SEC24C: variants seen among roughly 807,000 people sequenced by gnomAD.
The protein encoded by SEC24C is SEC24 homolog C, COPII component, also known as protein transport protein Sec24C.
In SEC24C, 22 loss-of-function variants were observed where a neutral mutation model predicts 117.0. The observed-to-expected ratio is 0.19, with a 90% confidence interval of 0.13 to 0.27. The LOEUF is 0.27. Ranked by LOEUF, SEC24C falls within the 10% of genes least tolerant of loss-of-function variation. SEC24C has a pLI of 1.00. For missense variants in SEC24C, 1,155 were observed against 1,375.1 expected (o/e 0.84, Z 2.53); for synonymous variants, 506 against 529.4 (o/e 0.96, Z 0.61).
intron 2 of SEC24C, among the ~76,000 whole-genome samples, chr10:73,750,812 A>G (rs1285584310): frequency 6.6e-6 from 1 of 152,224 alleles, no homozygotes; most frequent in Non-Finnish European, 1.5e-5. Context: ...AATATCAGGC[A>G]GTCTTGGATT....
At chr10:73,757,017 TCTC>T (rs2082719869) in intron 3 of SEC24C, among the ~76,000 whole-genome samples, 1 of 144,086 alleles carries the variant, frequency 6.9e-6, no homozygotes, top group African/African-American at 2.6e-5. Context: ...TTCAAGTGAA[TCTC>T]CTGTCTGAAC....
In SEC24C at chr10:73,753,524, G is replaced by A. The variant is rs182559851; in HGVS notation, c.308+2281G>A. On this transcript the variant is annotated intron_variant, in intron 3 of 22. Transcript: ENST00000345254. The stretch of plus-strand genomic sequence containing the variant: ...AATCTCTACAAAAAATAAAATGTTA[G>A]CTGGGCATGGTGGCAAGCTTGTTGT... Among the ~76,000 whole-genome samples, 800 of 152,272 alleles carry A rather than the reference G, an allele frequency of 5.3e-3. 3 individuals are homozygous for A. The highest frequency in any genetic ancestry group is 8.6e-3 in the Non-Finnish European group (584 of 68,024).
Position 73,760,776 on chromosome 10 carries a change from C to T in SEC24C, c.914C>T (p.Thr305Ile). Residue 305 changes from threonine to isoleucine, a missense_variant, in exon 6 of 23, where the codon ACC becomes ATC. Around this residue, in one of 2 missense-constraint regions of SEC24C, gnomAD observed 396 missense variants for 382.8 expected, o/e 1.03. Transcript: ENST00000345254. ...GGAGGCCCCTACCCAGCAGCACCCA[C>T]CTTTGGCAGTCAGCCTGGGCCTCCT... ...NYGGPYPAAP[T>I]FGSQPGPPQP... is the part of the protein sequence containing the mutation. 6.2e-7 allele frequency: 1 copy of T among 1,614,082 alleles called. No homozygotes were observed. Among genetic ancestry groups the T allele is most frequent in the Non-Finnish European group, 8.5e-7 (1 of 1,179,942 alleles).
At chr10:73,753,876 T>C (rs578227194) in intron 3 of SEC24C, among the ~76,000 whole-genome samples, 10 of 152,322 alleles carry the variant, frequency 6.6e-5, no homozygotes, top group African/African-American at 2.4e-4. Context: ...CTTGTCCAAC[T>C]TGTGGCCCAC....
At chr10:73,745,843 C>G (rs2082540629) in intron 1 of SEC24C, among the ~76,000 whole-genome samples, 1 of 151,974 alleles carries the variant, frequency 6.6e-6, no homozygotes, top group Non-Finnish European at 1.5e-5. Flanking sequence ...AGCCACTGTG[C>G]CTGGCCAACT....
At chr10:73,746,177 A>C (rs1043807540) in intron 1 of SEC24C, among the ~76,000 whole-genome samples, 1 of 129,870 alleles carries the variant, frequency 7.7e-6, no homozygotes, top group Admixed American at 7.7e-5. Context: ...AAAAAAAAAA[A>C]AAAAACCTTC....
rs1446669081 is a variant in SEC24C at position 73,765,561 on chromosome 10, G to A, written c.1338G>A (p.Gln446=). The A allele has an allele frequency of 1.1e-5, 17 of 1,613,868 alleles. No homozygotes were observed. Among genetic ancestry groups the A allele is most frequent in the African/African-American group, 1.3e-5 (1 of 74,938 alleles). The change falls in exon 9 of 23, where the codon CAG becomes CAA. Residue 446 remains glutamine, a synonymous_variant. Coordinates refer to ENST00000345254, the MANE Select transcript of SEC24C (RefSeq NM_198597.3). The stretch of plus-strand genomic sequence containing the variant: ...TCATTGAAGGAGGGAGGCGTTTCCA[G>A]TGCTGTTTTTGCAGCTGTATCAATG... ...MQFIEGGRRF[Q]CCFCSCINDV... is the part of the protein sequence containing the mutation.
chr10:73,745,939 ATCACGAGG>A (rs2082541960), intron 1 of SEC24C, among the ~76,000 whole-genome samples: 1 of 151,718 alleles, frequency 6.6e-6, no homozygotes, highest in Admixed American at 6.6e-5. Flanking sequence ...AGGTGGGTGG[ATCACGAGG>A]TCAGGAGATC....
chr10:73,753,039 C>T (rs7076525), intron 3 of SEC24C, among the ~76,000 whole-genome samples: 68,318 of 151,832 alleles, frequency 0.45, 17,325 homozygotes, highest in Middle Eastern at 0.63. Flanking sequence ...CTGACTCTTA[C>T]AGTAATTACT....
At chr10:73,757,477 C>T (rs2082727262) in intron 3 of SEC24C, among the ~76,000 whole-genome samples, 1 of 149,640 alleles carries the variant, frequency 6.7e-6, no homozygotes, top group South Asian at 2.1e-4. Flanking sequence ...CTTCGCTGCA[C>T]TGTGGCCTGG....
At position 73,746,822 on chromosome 10, in the gene SEC24C, A is replaced by C; in HGVS notation, c.-11A>C. 6.3e-7 allele frequency: 1 copy of C among 1,596,490 alleles called. No individual in the cohort carries two copies. The highest frequency in any genetic ancestry group is 8.6e-7 in the Non-Finnish European group (1 of 1,169,190). ...TCTCACAGGTGAGATCAAATTGGGA[A>C]TGCTTTCATAATGAACGTCAACCAG... On this transcript the variant is annotated 5_prime_UTR_variant, in exon 2 of 23. The change abolishes an upstream ATG in the 5' untranslated region. Transcript: ENST00000345254.
Position 73,766,536 on chromosome 10 carries a change from C to T in SEC24C, c.1794C>T (p.Ile598=), listed in dbSNP as rs1423588128. 5 of 1,606,340 alleles carry T rather than the reference C, an allele frequency of 3.1e-6. No homozygotes were observed. The highest frequency in any genetic ancestry group is 2.2e-5 in the East Asian group (1 of 44,868). The change falls in exon 12 of 23, where the codon ATC becomes ATT. Residue 598 remains isoleucine (I), a synonymous_variant. Coordinates refer to ENST00000345254, the MANE Select transcript of SEC24C (RefSeq NM_198597.3). ...ACGTCAATGAGTCTCGGGCAGTTAT[C>T]ACCAGGTAAGAGCCAGATTGTGGAG... The part of the protein sequence containing the change: ...LVNVNESRAV[I]TSLLDQIPEM...
At chr10:73,747,487 G>A in intron 2 of SEC24C, among the ~76,000 whole-genome samples, 1 of 151,766 alleles carries the variant, frequency 6.6e-6, no homozygotes, top group Middle Eastern at 3.2e-3. Flanking sequence ...GAGTAGCTAG[G>A]ATTACAGGCA....
At chr10:73,757,920 CAAAAAAAAAA>C (rs61625607) in intron 3 of SEC24C, among the ~76,000 whole-genome samples, 25 of 38,894 alleles carry the variant, frequency 6.4e-4, no homozygotes, top group African/African-American at 2.9e-3. Flanking sequence ...GACCCTGTCT[CAAAAAAAAAA>C]AAAAAAAAAA....
intron 8 of SEC24C, among the ~76,000 whole-genome samples, chr10:73,764,670 T>G (rs2082853521): frequency 1.3e-5 from 2 of 152,220 alleles, no homozygotes; most frequent in South Asian, 4.1e-4. Context: ...CCCAGGTTAG[T>G]GCTGTTAGAA....
Position 73,760,857 on chromosome 10 carries a change from G to C in SEC24C, c.987+8G>C. ...GATGCCATCCCAAGCCCTGTAAGTA[G>C]AAACTTTCATGGTCCTGAGGAAGGG... On this transcript the variant is annotated splice_region_variant and intron_variant, in intron 6 of 22. Coordinates refer to ENST00000345254, the MANE Select transcript of SEC24C (RefSeq NM_198597.3). 6.2e-7 allele frequency: 1 copy of C among 1,604,698 alleles called. No homozygotes were observed. Among genetic ancestry groups the C allele is most frequent in the Non-Finnish European group, 8.5e-7 (1 of 1,176,374 alleles).
At chr10:73,751,270 G>T in intron 3 of SEC24C, 27 bp downstream of exon 3, 1 of 1,601,450 alleles carries the variant, frequency 6.2e-7, no homozygotes. Flanking sequence ...TCTAAAATTG[G>T]TCTGATGAGG....
At position 73,771,140 on chromosome 10, in the gene SEC24C, G is replaced by T. The variant is rs199634228; in HGVS notation, c.*45G>T. 1,661 of 1,597,544 alleles carry T rather than the reference G, an allele frequency of 1.0e-3. 3 individuals are homozygous for T. Among genetic ancestry groups the T allele is most frequent in the Non-Finnish European group, 1.4e-3 (1,615 of 1,172,198 alleles). Reference sequence around the variant, plus strand: ...TAGGGCCCAGGCTAGCTTCCAGAAAGCACCCCAGGATGTCAGAGAAATTGG... The same window carrying T: ...TAGGGCCCAGGCTAGCTTCCAGAAATCACCCCAGGATGTCAGAGAAATTGG... On this transcript the variant is annotated 3_prime_UTR_variant, in exon 23 of 23. Transcript: ENST00000345254.
Position 73,770,762 on chromosome 10 carries a change from T to C in SEC24C, c.3108T>C (p.Ile1036=). ...TGTCCAAGAAGGTTCGAGGCCTCAT[T>C]GATAGCTTACGGGCACAGAGATCCC... ...NPLSKKVRGL[I]DSLRAQRSRY... Residue 1036 remains isoleucine (I), a synonymous_variant, in exon 22 of 23, where the codon ATT becomes ATC. Transcript: ENST00000345254. 1 of 1,614,118 alleles carries C rather than the reference T, an allele frequency of 6.2e-7. No individual in the cohort carries two copies. Among genetic ancestry groups the C allele is most frequent in the Non-Finnish European group, 8.5e-7 (1 of 1,180,016 alleles).
Sources: gnomAD v4.1 joint callset for allele counts (sites outside exome capture counted in the v4.1 genomes callset) on GRCh38, gnomAD v4.1.1 for gene constraint, gnomAD v4.1.1 regional missense constraint, MANE v1.5 for transcripts, NCBI Gene and HGNC (gene_info 2026-07-23, HGNC 2026-07-21) for gene names.